The following DOP1B variants were observed in gnomAD, a reference collection of about 807,000 sequenced individuals.
DOP1B encodes the protein DOP1 leucine zipper like protein B.
DOP1B carries 174 observed loss-of-function variants against 233.5 expected under a neutral mutation model. The observed-to-expected ratio is 0.75, with a 90% confidence interval of 0.66 to 0.85. DOP1B has a LOEUF of 0.85. Ranked by LOEUF, DOP1B falls within the 40% of genes least tolerant of loss-of-function variation. The pLI, the probability that DOP1B is intolerant of heterozygous loss-of-function variation, is 0.00. For missense variants in DOP1B, 2,652 were observed against 2,846.6 expected (o/e 0.93, Z 1.56); for synonymous variants, 1,190 against 1,185.6 (o/e 1.00, Z -0.08).
At chr21:36,192,693 CT>C (rs372913689) in intron 2 of DOP1B, among the ~76,000 whole-genome samples, 144 of 141,130 alleles carry the variant, frequency 1.0e-3, no homozygotes, top group African/African-American at 9.9e-4. Flanking sequence ...CACTTTCATT[CT>C]TTTTTTTTTT....
chr21:36,269,875 G>T, intron 26 of DOP1B, 138 bp from the exon 27 acceptor site: 1 of 818,082 alleles, frequency 1.2e-6, no homozygotes, highest in Non-Finnish European at 1.9e-6. Context: ...CTTCAATGTG[G>T]CTCCTAGAAA....
intron 13 of DOP1B, among the ~76,000 whole-genome samples, chr21:36,228,439 A>G (rs1292106300): frequency 6.6e-6 from 1 of 151,758 alleles, no homozygotes; most frequent in Non-Finnish European, 1.5e-5. Context: ...AAGCCTGGGC[A>G]ACAGAGCAAG....
At chr21:36,161,354 G>A (rs2065867671) in intron 1 of DOP1B, among the ~76,000 whole-genome samples, 2 of 152,056 alleles carry the variant, frequency 1.3e-5, no homozygotes, top group African/African-American at 4.8e-5. Flanking sequence ...GGCCAGGCTG[G>A]TCTCGAACTC....
chr21:36,237,298 G>C lies in DOP1B; in HGVS notation c.2659G>C (p.Glu887Gln). 6.2e-7 allele frequency: 1 copy of C among 1,614,154 alleles called. No homozygotes were observed. ...ARVLWNQLNK[E>Q]TREHHVTCVE... ...TGTGCTTTGGAATCAGCTGAACAAA[G>C]AGACCCGGGAGCATCACGTCACCTG... The change falls in exon 16 of 37, where the codon GAG (glutamate) becomes CAG (glutamine). Residue 887 changes from glutamate (E) to glutamine (Q), a missense_variant. This residue lies in a region of DOP1B where 2,617 missense variants were observed against 2,794.3 expected (regional missense o/e 0.94). Coordinates refer to ENST00000691173, the MANE Select transcript of DOP1B (RefSeq NM_001320714.2).
Position 36,270,052 on chromosome 21 carries a change from G to A in DOP1B, c.5527G>A (p.Ala1843Thr). The change falls in exon 27 of 37, where the codon GCC becomes ACC. Residue 1843 changes from alanine (A) to threonine (T), a missense_variant. Transcript: ENST00000691173. ...AATCCTAGAAGCTGTGGGGAACATT[G>A]CCGGCTCTTCCTTGGAGCAAACCAG... ...QKILEAVGNI[A>T]GSSLEQTSWL... The A allele has an allele frequency of 6.2e-7, 1 of 1,614,070 alleles. No homozygotes were observed. The highest frequency in any genetic ancestry group is 8.5e-7 in the Non-Finnish European group (1 of 1,180,000).
At chr21:36,159,932 C>T (rs929652259) in intron 1 of DOP1B, among the ~76,000 whole-genome samples, 1 of 152,196 alleles carries the variant, frequency 6.6e-6, no homozygotes. Context: ...CTGACACTTA[C>T]GTGTCCCACA....
rs572932256 is a variant in DOP1B at position 36,264,147 on chromosome 21, G to T, written c.5487+333G>T. Among the ~76,000 whole-genome samples the T allele has an allele frequency of 1.4e-4, 22 of 152,334 alleles. No homozygotes were observed. The East Asian group carries it at 4.2e-3, about 29-fold the overall frequency. On this transcript the variant is annotated intron_variant, in intron 26 of 36. Transcript: ENST00000691173. ...TAAGAAATCTTATTTCCCCCCAGAC[G>T]CGGTGGCGCATACTTGTAATCCCAG...
At chr21:36,277,703 G>A (rs969777551) in intron 28 of DOP1B, among the ~76,000 whole-genome samples, 3 of 151,482 alleles carry the variant, frequency 2.0e-5, no homozygotes, top group African/African-American at 7.3e-5. Context: ...CACTCAGGCT[G>A]GAGTGCAGTG....
intron 2 of DOP1B, among the ~76,000 whole-genome samples, chr21:36,166,190 T>C (rs1052290074): frequency 1.3e-5 from 2 of 151,482 alleles, no homozygotes; most frequent in East Asian, 2.0e-4. Context: ...TCCCAGCACT[T>C]TGGGAGGCCA....
chr21:36,228,840 G>A (rs772440875), intron 13 of DOP1B, among the ~76,000 whole-genome samples: 30 of 151,832 alleles, frequency 2.0e-4, no homozygotes, highest in Non-Finnish European at 3.2e-4. Context: ...GCATGGTGGT[G>A]TTCACCTGTA....
At chr21:36,188,581 C>T (rs763117516) in intron 2 of DOP1B, among the ~76,000 whole-genome samples, 21 of 152,224 alleles carry the variant, frequency 1.4e-4, no homozygotes, top group Admixed American at 2.6e-4. Flanking sequence ...CCCTGACTCA[C>T]TGTGCCACTG....
At chr21:36,196,950 T>A (rs2066297650) in intron 2 of DOP1B, among the ~76,000 whole-genome samples, 1 of 151,904 alleles carries the variant, frequency 6.6e-6, no homozygotes, top group African/African-American at 2.4e-5. Context: ...ATTTTTTTTT[T>A]TTTTTGAGAT....
Position 36,164,731 on chromosome 21 carries a change from A to G in DOP1B, c.-3A>G, listed in dbSNP as rs2065893497. ...AGATACTTTTCTGCTGTGAGAATGT[A>G]AGATGGATCCAGAAGAGCAGGAGCT... On this transcript the variant is annotated 5_prime_UTR_variant, in exon 2 of 37. An upstream open reading frame in the 5' UTR loses its in-frame stop. Coordinates refer to ENST00000691173, the MANE Select transcript of DOP1B (RefSeq NM_001320714.2). 1.3e-6 allele frequency: 2 copies of G among 1,584,524 alleles called. No individual in the cohort carries two copies. The highest frequency in any genetic ancestry group is 8.6e-7 in the Non-Finnish European group (1 of 1,169,350).
intron 14 of DOP1B, among the ~76,000 whole-genome samples, chr21:36,232,077 C>T (rs1354523980): frequency 6.6e-6 from 1 of 152,124 alleles, no homozygotes; most frequent in Non-Finnish European, 1.5e-5. Context: ...ATCTTTTGAC[C>T]TCGCGATCCA....
intron 2 of DOP1B, among the ~76,000 whole-genome samples, chr21:36,197,732 A>C (rs893030297): frequency 6.6e-6 from 1 of 152,234 alleles, no homozygotes; most frequent in Non-Finnish European, 1.5e-5. Context: ...GAACTTGGCC[A>C]GATGCAGTGG....
intron 30 of DOP1B, among the ~76,000 whole-genome samples, chr21:36,278,869 CAAAT>C (rs2067383915): frequency 6.6e-6 from 1 of 152,012 alleles, no homozygotes; most frequent in African/African-American, 2.4e-5. Flanking sequence ...AACTCTGTCT[CAAAT>C]AAATAAACAG....
intron 32 of DOP1B, among the ~76,000 whole-genome samples, chr21:36,282,399 C>T (rs747816376): frequency 1.1e-4 from 16 of 152,154 alleles, no homozygotes; most frequent in Non-Finnish European, 2.1e-4. Context: ...GCCTGGGCAA[C>T]AAGAGCGAAA....
chr21:36,272,882 G>GA (rs1381230540), intron 27 of DOP1B, among the ~76,000 whole-genome samples: 2 of 150,308 alleles, frequency 1.3e-5, no homozygotes, highest in Non-Finnish European at 2.9e-5. Flanking sequence ...TACTCCGGAG[G>GA]CTGAGGCAGG....
At chr21:36,280,790 T>C (rs2067406520) in intron 31 of DOP1B, among the ~76,000 whole-genome samples, 1 of 150,682 alleles carries the variant, frequency 6.6e-6, no homozygotes, top group Non-Finnish European at 1.5e-5. Flanking sequence ...GATCACAGGG[T>C]CAGGAGATCG....
Sources: gnomAD v4.1 joint callset for allele counts (sites outside exome capture counted in the v4.1 genomes callset) on GRCh38, gnomAD v4.1.1 for gene constraint, gnomAD v4.1.1 regional missense constraint, MANE v1.5 for transcripts, NCBI Gene and HGNC (gene_info 2026-07-23, HGNC 2026-07-21) for gene names.